HS6ST3: variants seen among roughly 807,000 people sequenced by gnomAD.
HS6ST3 encodes the protein heparan-sulfate 6-O-sulfotransferase 3.
HS6ST3 carries 12 observed loss-of-function variants against 36.7 expected under a neutral mutation model. The observed-to-expected ratio is 0.33, with a 90% CI of 0.21 to 0.53. The LOEUF (loss-of-function observed/expected upper bound fraction) is 0.53. HS6ST3 is among the 20% of genes least tolerant of loss of function. The pLI, the probability that HS6ST3 is intolerant of heterozygous loss-of-function variation, is 0.95. For synonymous variants in HS6ST3, 240 were observed against 257.5 expected (o/e 0.93, Z 0.65); for missense variants, 584 against 640.9 (o/e 0.91, Z 0.96).
intron 1 of HS6ST3, among the ~76,000 whole-genome samples, chr13:96,520,453 C>T (rs1011803396): frequency 6.6e-5 from 10 of 152,152 alleles, no homozygotes; most frequent in South Asian, 2.1e-4. Context: ...GGCAGTAAGG[C>T]CATTTTCATG....
chr13:96,504,843 A>G lies in HS6ST3; in HGVS notation c.708-327647A>G, dbSNP rs77298741. ...AAAAATATATAAAATGTTGTTACGT[A>G]AGTCTTAGGTAATAGACATAAAGCA... is the stretch of plus-strand genomic sequence containing the variant. On this transcript the variant is annotated intron_variant, in intron 1 of 1. Transcript: ENST00000376705. Among the ~76,000 whole-genome samples the G allele has an allele frequency of 6.7e-3, 1,019 of 152,314 alleles. 10 individuals carry two copies. The highest frequency in any genetic ancestry group is 0.024 in the African/African-American group (979 of 41,582).
chr13:96,190,943 G>A (rs2054285835), intron 1 of HS6ST3, among the ~76,000 whole-genome samples: 1 of 152,052 alleles, frequency 6.6e-6, no homozygotes, highest in Admixed American at 6.6e-5. Flanking sequence ...GATTGGAGAG[G>A]TGGCCAGGAC....
intron 1 of HS6ST3, among the ~76,000 whole-genome samples, chr13:96,765,049 T>C (rs936730282): frequency 6.6e-5 from 10 of 150,918 alleles, no homozygotes; most frequent in Non-Finnish European, 1.3e-4. Flanking sequence ...TATTTCTTTC[T>C]TTGTTTCTTT....
At chr13:96,474,992 T>C (rs1566371472) in intron 1 of HS6ST3, among the ~76,000 whole-genome samples, 1 of 152,164 alleles carries the variant, frequency 6.6e-6, no homozygotes, top group African/African-American at 2.4e-5. Flanking sequence ...GGGGAAGCAG[T>C]TGACAGTAAT....
intron 1 of HS6ST3, among the ~76,000 whole-genome samples, chr13:96,804,155 A>T (rs547823441): frequency 6.6e-6 from 1 of 152,134 alleles, no homozygotes; most frequent in African/African-American, 2.4e-5. Flanking sequence ...GCCAAAAAAA[A>T]AAAAAGAAAA....
intron 1 of HS6ST3, among the ~76,000 whole-genome samples, chr13:96,548,439 C>T (rs537561254): frequency 4.1e-4 from 62 of 152,304 alleles, no homozygotes; most frequent in Non-Finnish European, 7.6e-4. Flanking sequence ...TCACCCCAAA[C>T]TGTCTTTTAC....
chr13:96,576,905 C>G (rs9584392), intron 1 of HS6ST3, among the ~76,000 whole-genome samples: 13,438 of 132,366 alleles, frequency 0.1, 1,193 homozygotes, highest in African/African-American at 0.26. Flanking sequence ...GATCGCGCCA[C>G]TGCACTCCAG....
At chr13:96,444,533 A>T (rs1287875631) in intron 1 of HS6ST3, among the ~76,000 whole-genome samples, 1 of 152,204 alleles carries the variant, frequency 6.6e-6, no homozygotes, top group African/African-American at 2.4e-5. Flanking sequence ...TAATTTAATC[A>T]GTCTTAATTT....
chr13:96,361,866 C>T (rs531304985), intron 1 of HS6ST3, among the ~76,000 whole-genome samples: 56 of 152,314 alleles, frequency 3.7e-4, no homozygotes, highest in African/African-American at 1.3e-3. Context: ...AAAAACATTA[C>T]AATCTTATTT....
At chr13:96,424,483 T>C (rs1253079034) in intron 1 of HS6ST3, among the ~76,000 whole-genome samples, 1 of 152,220 alleles carries the variant, frequency 6.6e-6, no homozygotes, top group Non-Finnish European at 1.5e-5. Context: ...CTTAGTCCCT[T>C]TGAGTTGCTG....
intron 1 of HS6ST3, among the ~76,000 whole-genome samples, chr13:96,237,143 C>T (rs1189003286): frequency 6.6e-6 from 1 of 152,138 alleles, no homozygotes; most frequent in Non-Finnish European, 1.5e-5. Context: ...CTGGGTCCCT[C>T]CTACAACACA....
chr13:96,489,765 A>G (rs2055935600), intron 1 of HS6ST3, among the ~76,000 whole-genome samples: 1 of 152,138 alleles, frequency 6.6e-6, no homozygotes, highest in Non-Finnish European at 1.5e-5. Context: ...TCATGCACAC[A>G]CATGCACTCT....
intron 1 of HS6ST3, among the ~76,000 whole-genome samples, chr13:96,386,194 G>T (rs2055366980): frequency 6.6e-6 from 1 of 152,224 alleles, no homozygotes; most frequent in South Asian, 2.1e-4. Context: ...CAACAAGATT[G>T]ATTTGCGTAA....
Position 96,464,019 on chromosome 13 carries a change from G to GTTTT in HS6ST3, c.708-368450_708-368447dup, listed in dbSNP as rs66703746. On this transcript the variant is annotated intron_variant, in intron 1 of 1. Coordinates refer to ENST00000376705, the MANE Select transcript of HS6ST3 (RefSeq NM_153456.4). Reference sequence around the variant, plus strand: ...TCTGTCCCATTAGTCCCATAGACAGGTTTTTTTTTTTTTTTTTTTTTTTTA... The same window carrying GTTTT: ...TCTGTCCCATTAGTCCCATAGACAGGTTTTTTTTTTTTTTTTTTTTTTTTTTTTA... 7.7e-4 allele frequency among the ~76,000 whole-genome samples: 98 copies of GTTTT among 127,382 alleles called. 1 individual carries two copies. The highest frequency in any genetic ancestry group is 2.9e-3 in the African/African-American group (91 of 30,980). 83.6% of individuals were successfully genotyped at this position (127,382 alleles called of 152,430 possible).
chr13:96,509,143 G>A (rs2056038651), intron 1 of HS6ST3, among the ~76,000 whole-genome samples: 1 of 152,002 alleles, frequency 6.6e-6, no homozygotes, highest in African/African-American at 2.4e-5. Context: ...TTGGCCATTT[G>A]TACATCTTCT....
At chr13:96,158,273 T>C (rs1029460955) in intron 1 of HS6ST3, among the ~76,000 whole-genome samples, 2 of 150,954 alleles carry the variant, frequency 1.3e-5, no homozygotes, top group East Asian at 3.9e-4. Context: ...GGGAAGGAGG[T>C]AAAAATGATT....
At chr13:96,113,821 T>C (rs1007100563) in intron 1 of HS6ST3, among the ~76,000 whole-genome samples, 1 of 152,190 alleles carries the variant, frequency 6.6e-6, no homozygotes, top group African/African-American at 2.4e-5. Flanking sequence ...GTATATGCAC[T>C]AATATATTCA....
chr13:96,553,109 G>A (rs746838139), intron 1 of HS6ST3, among the ~76,000 whole-genome samples: 3 of 152,092 alleles, frequency 2.0e-5, no homozygotes, highest in African/African-American at 4.8e-5. Context: ...TGTGAAACTC[G>A]GTGTTTTTGA....
intron 1 of HS6ST3, among the ~76,000 whole-genome samples, chr13:96,264,316 A>T (rs146730943): frequency 6.6e-6 from 1 of 152,282 alleles, no homozygotes; most frequent in African/African-American, 2.4e-5. Flanking sequence ...TTACAGAGGG[A>T]CTGTGCCTTC....
Sources: allele counts gnomAD v4.1 joint callset (sites outside exome capture counted in the v4.1 genomes callset), GRCh38; gene constraint gnomAD v4.1.1; transcripts MANE v1.5; gene names NCBI Gene and HGNC (gene_info 2026-07-23, HGNC 2026-07-21).